The following DAPK2 variants were observed in gnomAD, a reference collection of about 807,000 sequenced individuals.
DAPK2 encodes death-associated protein kinase 2.
A neutral mutation model predicts 44.1 loss-of-function variants in DAPK2; 35 were observed. The ratio of observed to expected loss-of-function variants is 0.79; its 90% CI spans 0.61 to 1.05. The LOEUF (loss-of-function observed/expected upper bound fraction) is 1.05, where lower values mean the gene tolerates loss of function less well. Ranked by LOEUF, DAPK2 falls within the 50% of genes least tolerant of loss-of-function variation. The pLI, the probability that DAPK2 is intolerant of heterozygous loss-of-function variation, is 0.00. For synonymous variants in DAPK2, 174 were observed against 182.6 expected (o/e 0.95, Z 0.38); for missense variants, 453 against 483.2 (o/e 0.94, Z 0.59).
At position 63,983,321 on chromosome 15, in the gene DAPK2, C is replaced by T. The variant is rs568369335; in HGVS notation, c.314+212G>A. On this transcript the variant is annotated intron_variant, in intron 2 of 10. Coordinates refer to ENST00000261891, the Ensembl canonical transcript of DAPK2. ...CTGCCCCTGCTATTCAGCAAGCTTG[C>T]CCCTCCTTTGGCTCAGTTTCAGGAG... Among the ~76,000 whole-genome samples the T allele has an allele frequency of 1.5e-4, 23 of 152,328 alleles. No individual in the cohort carries two copies. The South Asian group carries it at 2.1e-3, about 14-fold the overall frequency.
chr15:63,975,621 CAG>C (rs1306703907), intron 2 of DAPK2, among the ~76,000 whole-genome samples: 2 of 148,382 alleles, frequency 1.3e-5, no homozygotes, highest in Non-Finnish European at 3.0e-5. Context: ...TTTTTTGAGA[CAG>C]AGTCTCATTC....
intron 3 of DAPK2, among the ~76,000 whole-genome samples, chr15:63,948,270 C>CAAAAAAAAAAAAAAAAA (rs3056984): frequency 1.9e-5 from 1 of 51,916 alleles, no homozygotes; most frequent in Non-Finnish European, 3.1e-5. Context: ...GACTCCATCT[C>CAAAAAAAAAAAAAAAAA]AAAAAAAAAA....
At chr15:63,955,090 T>C (rs758870352) in intron 3 of DAPK2, among the ~76,000 whole-genome samples, 5 of 152,246 alleles carry the variant, frequency 3.3e-5, no homozygotes, top group Non-Finnish European at 7.3e-5. Context: ...AGATCATATC[T>C]GCAAACAAGG....
At chr15:64,004,259 T>C (rs1367723963) in intron 1 of DAPK2, among the ~76,000 whole-genome samples, 4 of 152,226 alleles carry the variant, frequency 2.6e-5, no homozygotes. Context: ...CCCCCTGTAT[T>C]TCCTGTAAAT....
At chr15:63,927,462 T>C (rs1652715157) in intron 6 of DAPK2, among the ~76,000 whole-genome samples, 1 of 152,158 alleles carries the variant, frequency 6.6e-6, no homozygotes, top group Admixed American at 6.5e-5. Flanking sequence ...TCTCTATTTC[T>C]CTCTCAATAA....
intron 3 of DAPK2, among the ~76,000 whole-genome samples, chr15:63,961,363 G>A (rs2077895521): frequency 6.6e-6 from 1 of 152,172 alleles, no homozygotes; most frequent in African/African-American, 2.4e-5. Flanking sequence ...ATATTGTTAT[G>A]TGTGAATTTG....
intron 3 of DAPK2, among the ~76,000 whole-genome samples, chr15:63,942,603 AC>A (rs2077339635): frequency 6.6e-6 from 1 of 151,162 alleles, no homozygotes; most frequent in African/African-American, 2.4e-5. Context: ...AAAAAAAAGA[AC>A]CCCAGGGCAG....
At chr15:64,029,314 C>T (rs576151827) in intron 1 of DAPK2, among the ~76,000 whole-genome samples, 1 of 152,178 alleles carries the variant, frequency 6.6e-6, no homozygotes, top group South Asian at 2.1e-4. Flanking sequence ...AAAGTGCCTC[C>T]CTCTCTCATC....
At chr15:63,972,755 T>C (rs2078246828) in intron 2 of DAPK2, among the ~76,000 whole-genome samples, 1 of 152,176 alleles carries the variant, frequency 6.6e-6, no homozygotes, top group Non-Finnish European at 1.5e-5. Context: ...AAAGACAAAA[T>C]TGTTACTCAA....
intron 8 of DAPK2, chr15:63,922,927 G>A (rs2079121500): frequency 6.5e-7 from 1 of 1,535,858 alleles, no homozygotes; most frequent in East Asian, 2.4e-5. Context: ...TCTCAAACTG[G>A]GCTTGCAGAT....
intron 4 of DAPK2, among the ~76,000 whole-genome samples, chr15:63,935,088 T>C (rs2077101749): frequency 8.1e-6 from 1 of 124,018 alleles, no homozygotes; most frequent in African/African-American, 2.7e-5. Flanking sequence ...ATCTTTGCCT[T>C]CTTTTTTTTT....
At chr15:63,997,626 C>T (rs1162069126) in intron 1 of DAPK2, among the ~76,000 whole-genome samples, 1 of 152,178 alleles carries the variant, frequency 6.6e-6, no homozygotes, top group East Asian at 1.9e-4. Context: ...CCACCATGCC[C>T]GGCCTTTGCT....
chr15:63,940,593 T>A (rs1189827450), intron 3 of DAPK2, among the ~76,000 whole-genome samples: 2 of 151,994 alleles, frequency 1.3e-5, no homozygotes, highest in Non-Finnish European at 2.9e-5. Context: ...ACGCCTGTAG[T>A]CCCAGCTGCT....
chr15:63,957,874 T>C (rs943230737), intron 3 of DAPK2, among the ~76,000 whole-genome samples: 2 of 152,294 alleles, frequency 1.3e-5, no homozygotes, highest in Middle Eastern at 6.8e-3. Context: ...ATATGCCCAG[T>C]AATGGTATGG....
intron 1 of DAPK2, among the ~76,000 whole-genome samples, chr15:64,032,405 C>T (rs1173323534): frequency 6.6e-6 from 1 of 152,194 alleles, no homozygotes; most frequent in Non-Finnish European, 1.5e-5. Flanking sequence ...TGGCCTCTGT[C>T]TCAGTGCTGC....
chr15:64,021,296 C>T (rs575038402), intron 1 of DAPK2, among the ~76,000 whole-genome samples: 4 of 152,276 alleles, frequency 2.6e-5, no homozygotes, highest in South Asian at 4.2e-4. Context: ...TGAAAGGGAG[C>T]GCGAGTGAGC....
intron 8 of DAPK2, among the ~76,000 whole-genome samples, chr15:63,914,331 T>A (rs1165069470): frequency 6.6e-6 from 1 of 151,842 alleles, no homozygotes; most frequent in Non-Finnish European, 1.5e-5. Flanking sequence ...TGAAGCACAG[T>A]GCTTTTGGGC....
chr15:63,991,925 G>C (rs1372100018), intron 1 of DAPK2, among the ~76,000 whole-genome samples: 1 of 152,192 alleles, frequency 6.6e-6, no homozygotes. Context: ...ACAGGTGGCT[G>C]TTCTGTATGG....
At chr15:63,954,828 C>G (rs1293275641) in intron 3 of DAPK2, among the ~76,000 whole-genome samples, 5 of 152,068 alleles carry the variant, frequency 3.3e-5, no homozygotes, top group Non-Finnish European at 7.4e-5. Flanking sequence ...TTCAATTTCT[C>G]TCATCAATGT....
Sources: gnomAD v4.1 joint callset for allele counts (sites outside exome capture counted in the v4.1 genomes callset) on GRCh38, gnomAD v4.1.1 for gene constraint, MANE v1.5 for transcripts, NCBI Gene and HGNC (gene_info 2026-07-23, HGNC 2026-07-21) for gene names.